IGF1R: variants seen among roughly 807,000 people sequenced by gnomAD.
IGF1R encodes the protein insulin like growth factor 1 receptor, also known as insulin-like growth factor 1 receptor.
A neutral mutation model predicts 144.6 loss-of-function variants in IGF1R; 44 were observed. The ratio of observed to expected loss-of-function variants is 0.30; its 90% CI spans 0.24 to 0.39. The LOEUF (loss-of-function observed/expected upper bound fraction) is 0.39. Ranked by LOEUF, IGF1R falls within the 10% of genes least tolerant of loss-of-function variation. IGF1R has a pLI of 1.00. For missense variants in IGF1R, 1,355 were observed against 1,833.7 expected (o/e 0.74, Z 4.77); for synonymous variants, 795 against 722.8 (o/e 1.10, Z -1.60).
chr15:98,794,656 A>G (rs1257793745), intron 2 of IGF1R, among the ~76,000 whole-genome samples: 2 of 152,222 alleles, frequency 1.3e-5, no homozygotes, highest in Non-Finnish European at 2.9e-5. Context: ...TTTATGTACA[A>G]CTACTGGAAA....
At chr15:98,660,301 A>C (rs1334680844) in intron 1 of IGF1R, 4 of 152,170 alleles carry the variant, frequency 2.6e-5, no homozygotes, top group Non-Finnish European at 5.9e-5. Context: ...TTTAAGAGTT[A>C]GCTGTAATTT....
intron 2 of IGF1R, among the ~76,000 whole-genome samples, chr15:98,759,248 C>G (rs1254875396): frequency 2.6e-5 from 4 of 152,234 alleles, no homozygotes; most frequent in Non-Finnish European, 5.9e-5. Context: ...GTATTGCCAT[C>G]TGTATCTCAG....
chr15:98,754,296 T>A (rs1294860691), intron 2 of IGF1R, among the ~76,000 whole-genome samples: 1 of 152,178 alleles, frequency 6.6e-6, no homozygotes. Context: ...GAGGGGAACC[T>A]GAGGATTTGG....
intron 1 of IGF1R, among the ~76,000 whole-genome samples, chr15:98,655,106 C>T (rs1305193078): frequency 6.6e-6 from 1 of 152,146 alleles, no homozygotes; most frequent in African/African-American, 2.4e-5. Context: ...GCCTGCACCC[C>T]CATCCCCGAG....
At chr15:98,678,405 C>T (rs1357240976) in intron 1 of IGF1R, among the ~76,000 whole-genome samples, 2 of 151,586 alleles carry the variant, frequency 1.3e-5, no homozygotes, top group Non-Finnish European at 2.9e-5. Context: ...TTCCTTTTTA[C>T]CTTCTCTGTA....
chr15:98,912,441 T>C (rs1375364820), intron 7 of IGF1R, among the ~76,000 whole-genome samples: 1 of 152,198 alleles, frequency 6.6e-6, no homozygotes, highest in Non-Finnish European at 1.5e-5. Context: ...CTGATAAATA[T>C]AAAATACCTA....
At chr15:98,795,403 T>TTTTTGTTTTGTTTTG (rs56344805) in intron 2 of IGF1R, among the ~76,000 whole-genome samples, 10,693 of 151,446 alleles carry the variant, frequency 0.071, 431 homozygotes, top group Middle Eastern at 0.21. Context: ...TCTTTCTTGT[T>TTTTTGTTTTGTTTTG]TTTTGTTTTG....
At chr15:98,731,318 G>T (rs2054491662) in intron 2 of IGF1R, among the ~76,000 whole-genome samples, 1 of 152,066 alleles carries the variant, frequency 6.6e-6, no homozygotes, top group South Asian at 2.1e-4. Flanking sequence ...ACTTATTAGG[G>T]GCTCACTGCT....
At chr15:98,934,077 T>A (rs1002746127) in intron 15 of IGF1R, among the ~76,000 whole-genome samples, 2 of 152,180 alleles carry the variant, frequency 1.3e-5, no homozygotes, top group African/African-American at 4.8e-5. Flanking sequence ...ATATCCATTT[T>A]AACATGGAGT....
At chr15:98,684,410 T>TG (rs2053271180) in intron 1 of IGF1R, among the ~76,000 whole-genome samples, 2 of 62,178 alleles carry the variant, frequency 3.2e-5, no homozygotes, top group African/African-American at 1.3e-4. Context: ...ATGGGGGAGG[T>TG]GGGGGGTGTG....
In IGF1R at chr15:98,845,566, TCG is replaced by T. The variant is rs1596353431; in HGVS notation, c.641-45758_641-45757del. ...CCTCCCCCTCCTCTCTCCTCTTCTC[TCG>T]TTTCTCTTCTCTCTCTTCTTTCTCT... On this transcript the variant is annotated intron_variant, in intron 2 of 20. Coordinates refer to ENST00000650285, the MANE Select transcript of IGF1R (RefSeq NM_000875.5). Among the ~76,000 whole-genome samples the T allele has an allele frequency of 4.2e-5, 6 of 141,530 alleles. No individual in the cohort carries two copies. In the East Asian group the frequency reaches 1.4e-3, roughly 32 times the overall value. 92.8% of individuals were successfully genotyped at this position (141,530 alleles called of 152,430 possible). A position where few individuals can be genotyped will look rare whatever the true frequency, so the allele number is the denominator to read the frequency against.
At chr15:98,739,186 A>G (rs939281918) in intron 2 of IGF1R, among the ~76,000 whole-genome samples, 3 of 152,160 alleles carry the variant, frequency 2.0e-5, no homozygotes, top group Non-Finnish European at 4.4e-5. Flanking sequence ...TGACTTGGGA[A>G]CTATGCAGAA....
At chr15:98,668,399 T>C (rs894770076) in intron 1 of IGF1R, among the ~76,000 whole-genome samples, 1 of 152,162 alleles carries the variant, frequency 6.6e-6, no homozygotes, top group African/African-American at 2.4e-5. Context: ...CTTGGCCAGG[T>C]CTGAGAGTTG....
intron 2 of IGF1R, among the ~76,000 whole-genome samples, chr15:98,791,158 A>G (rs1244240816): frequency 1.3e-5 from 2 of 152,214 alleles, no homozygotes; most frequent in African/African-American, 2.4e-5. Context: ...ATTGACTGAT[A>G]AATGTTAAGA....
intron 20 of IGF1R, among the ~76,000 whole-genome samples, chr15:98,955,611 T>C (rs973888853): frequency 6.6e-6 from 1 of 152,174 alleles, no homozygotes; most frequent in Non-Finnish European, 1.5e-5. Context: ...TGGATGGCTC[T>C]CCCTCACACC....
chr15:98,912,673 C>T (rs548052707), intron 7 of IGF1R, among the ~76,000 whole-genome samples: 1 of 152,302 alleles, frequency 6.6e-6, no homozygotes, highest in Admixed American at 6.5e-5. Flanking sequence ...CATTTTTCTC[C>T]AACAGTTACC....
intron 2 of IGF1R, among the ~76,000 whole-genome samples, chr15:98,747,128 C>G (rs1444864075): frequency 2.6e-5 from 4 of 152,196 alleles, no homozygotes; most frequent in African/African-American, 4.8e-5. Context: ...GCAATTTGCT[C>G]TTCAAACTAT....
Position 98,935,079 on chromosome 15 carries a change from A to G in IGF1R, c.3186+26A>G. On this transcript the variant is annotated intron_variant, in intron 16 of 20. Transcript: ENST00000650285. The surrounding 1 kb of genome is among the most constrained non-coding windows in gnomAD (Gnocchi z 4.2). ...GTAAGAGAAAGTTCCTGAAAAGCCA[A>G]AATGCAGCACAGGGAGAGGGTATCA... 1 of 1,558,856 alleles carries G rather than the reference A, an allele frequency of 6.4e-7. No homozygotes were observed. The highest frequency in any genetic ancestry group is 8.8e-7 in the Non-Finnish European group (1 of 1,129,984).
At chr15:98,660,210 G>C (rs1407207373) in intron 1 of IGF1R, 3 of 152,152 alleles carry the variant, frequency 2.0e-5, no homozygotes, top group Non-Finnish European at 4.4e-5. Flanking sequence ...GTACTCATTC[G>C]TGTCTCTTTG....
Sources: gnomAD v4.1 joint callset for allele counts (sites outside exome capture counted in the v4.1 genomes callset) on GRCh38, gnomAD v4.1.1 for gene constraint, Gnocchi (gnomAD v3.1) non-coding constraint, MANE v1.5 for transcripts, NCBI Gene and HGNC (gene_info 2026-07-23, HGNC 2026-07-21) for gene names.